Variants in PLXDC2 observed in about 807,000 individuals in gnomAD.
PLXDC2 encodes the protein plexin domain containing 2, also known as plexin domain-containing protein 2.
Under a neutral mutation model 68.9 loss-of-function variants are expected in PLXDC2, and 40 were observed. That is an observed-to-expected ratio of 0.58 (90% CI 0.45 to 0.76). PLXDC2 has a LOEUF of 0.76. Ranked by LOEUF, PLXDC2 falls within the 30% of genes least tolerant of loss-of-function variation. PLXDC2 has a pLI of 0.00. For synonymous variants in PLXDC2, 243 were observed against 234.2 expected (o/e 1.04, Z -0.34); for missense variants, 644 against 661.9 (o/e 0.97, Z 0.30).
chr10:20,186,750 CT>C (rs201327011), intron 9 of PLXDC2, among the ~76,000 whole-genome samples: 4,396 of 151,918 alleles, frequency 0.029, 78 homozygotes, highest in Middle Eastern at 0.071. Context: ...TGATCTTCTT[CT>C]TTTTTTATGG....
chr10:20,074,696 T>G (rs757990986), intron 4 of PLXDC2, among the ~76,000 whole-genome samples: 143 of 152,320 alleles, frequency 9.4e-4, no homozygotes, highest in Non-Finnish European at 1.6e-3. Context: ...GGGACTTGAT[T>G]AATAACAGGA....
In PLXDC2 at chr10:20,289,142, G is replaced by C. The variant is rs560068958; in HGVS notation, c.*9323G>C. 4 of 152,304 alleles carry C rather than the reference G, an allele frequency of 2.6e-5. No individual in the cohort carries two copies. The South Asian group carries it at 8.3e-4, about 32-fold the overall frequency. 9.4% of individuals were successfully genotyped at this position (152,304 alleles called of 1,614,324 possible). A position where few individuals can be genotyped will look rare whatever the true frequency, so the allele number is the denominator to read the frequency against. On this transcript the variant is annotated 3_prime_UTR_variant, in exon 14 of 14. Coordinates refer to ENST00000377252, the MANE Select transcript of PLXDC2 (RefSeq NM_032812.9). ...ACCCATTGTGGAAGAAATTCTGTGT[G>C]CAGAATTCAGAGGCACAAGGCTGAT...
At chr10:20,185,257 C>A (rs778453705) in intron 9 of PLXDC2, among the ~76,000 whole-genome samples, 4 of 151,234 alleles carry the variant, frequency 2.6e-5, no homozygotes, top group African/African-American at 9.7e-5. Flanking sequence ...CAACCCAAGG[C>A]CTCACAGTCC....
In PLXDC2 at chr10:20,126,149, CAT is replaced by C. The variant is rs541856641; in HGVS notation, c.542-17141_542-17140del. 2.3e-3 allele frequency among the ~76,000 whole-genome samples: 340 copies of C among 146,090 alleles called. 1 individual carries two copies. The highest frequency in any genetic ancestry group is 7.9e-3 in the African/African-American group (319 of 40,132). On this transcript the variant is annotated intron_variant, in intron 4 of 13. Transcript: ENST00000377252. ...ATATGTTATATATGTGTATATATAACATATATTATGTATGTATCTATACATAT... is the reference window on the plus strand; with the variant it reads ...ATATGTTATATATGTGTATATATAACATATTATGTATGTATCTATACATAT...
At chr10:20,277,430 T>C (rs1282923059) in intron 13 of PLXDC2, among the ~76,000 whole-genome samples, 1 of 152,060 alleles carries the variant, frequency 6.6e-6, no homozygotes, top group Non-Finnish European at 1.5e-5. Flanking sequence ...TATGATCTTC[T>C]CTCCACTTTA....
chr10:20,247,852 A>C (rs1365960170), intron 13 of PLXDC2, among the ~76,000 whole-genome samples: 2 of 152,202 alleles, frequency 1.3e-5, no homozygotes, highest in African/African-American at 4.8e-5. Context: ...TTTCATATAA[A>C]ATGTATTTCA....
chr10:19,855,947 T>C (rs552988323), intron 1 of PLXDC2, among the ~76,000 whole-genome samples: 30 of 152,090 alleles, frequency 2.0e-4, no homozygotes, highest in African/African-American at 7.2e-4. Context: ...TATAAAAAAT[T>C]AGCCAGGCCT....
chr10:20,130,252 T>G (rs899787743), intron 4 of PLXDC2, among the ~76,000 whole-genome samples: 18 of 152,268 alleles, frequency 1.2e-4, no homozygotes, highest in Non-Finnish European at 2.1e-4. Flanking sequence ...TTTCTAAATA[T>G]TTTAAATTTT....
At chr10:19,963,432 C>G (rs1389284025) in intron 1 of PLXDC2, among the ~76,000 whole-genome samples, 1 of 152,136 alleles carries the variant, frequency 6.6e-6, no homozygotes, top group Non-Finnish European at 1.5e-5. Flanking sequence ...GGTTCCAAGT[C>G]TTTGCTATTG....
At chr10:19,982,444 TG>T (rs1206047640) in intron 1 of PLXDC2, among the ~76,000 whole-genome samples, 9 of 152,218 alleles carry the variant, frequency 5.9e-5, no homozygotes, top group Non-Finnish European at 1.3e-4. Flanking sequence ...ATTTCAGTTG[TG>T]GTACAGGCTG....
At chr10:19,874,973 ATTG>A (rs1442374978) in intron 1 of PLXDC2, among the ~76,000 whole-genome samples, 1 of 152,178 alleles carries the variant, frequency 6.6e-6, no homozygotes, top group African/African-American at 2.4e-5. Context: ...AACTGTCAGA[ATTG>A]TTGTAGAGGA....
chr10:20,033,710 C>G (rs550725424), intron 2 of PLXDC2, among the ~76,000 whole-genome samples: 1 of 152,138 alleles, frequency 6.6e-6, no homozygotes, highest in Non-Finnish European at 1.5e-5. Flanking sequence ...AAGATTCACC[C>G]CCATGATTCA....
intron 13 of PLXDC2, among the ~76,000 whole-genome samples, chr10:20,266,442 G>A (rs1406317255): frequency 6.6e-6 from 1 of 150,704 alleles, no homozygotes; most frequent in Non-Finnish European, 1.5e-5. Context: ...TACCCAAAAA[G>A]GGAAAACAAA....
intron 3 of PLXDC2, among the ~76,000 whole-genome samples, chr10:20,053,549 T>C (rs1207997116): frequency 2.6e-5 from 4 of 152,170 alleles, no homozygotes; most frequent in Non-Finnish European, 5.9e-5. Flanking sequence ...TTCTTTTCCC[T>C]CTTGGTAGAC....
chr10:20,031,124 T>C (rs1301666644), intron 2 of PLXDC2, among the ~76,000 whole-genome samples: 1 of 152,040 alleles, frequency 6.6e-6, no homozygotes, highest in East Asian at 1.9e-4. Flanking sequence ...TCCCAGCACT[T>C]TGAGAGGCTG....
At chr10:20,147,700 A>C (rs1834097891) in intron 5 of PLXDC2, 84 bp from the exon 6 acceptor site, 1 of 825,980 alleles carries the variant, frequency 1.2e-6, no homozygotes, top group Middle Eastern at 2.5e-4. Context: ...GGCCAGATGC[A>C]AAAACATTTT....
chr10:19,867,468 A>G (rs966141941), intron 1 of PLXDC2, among the ~76,000 whole-genome samples: 1 of 152,170 alleles, frequency 6.6e-6, no homozygotes, highest in Non-Finnish European at 1.5e-5. Context: ...GTCAAGGGGT[A>G]TGTTCAGTTT....
intron 9 of PLXDC2, among the ~76,000 whole-genome samples, chr10:20,183,323 G>A (rs1002255159): frequency 6.6e-6 from 1 of 151,924 alleles, no homozygotes; most frequent in Non-Finnish European, 1.5e-5. Flanking sequence ...AGCAGCTTAA[G>A]AGGTTTCAGA....
chr10:20,063,378 C>T (rs1028281424), intron 3 of PLXDC2, among the ~76,000 whole-genome samples: 1 of 151,906 alleles, frequency 6.6e-6, no homozygotes, highest in African/African-American at 2.4e-5. Context: ...TGTCCTAAAA[C>T]AAAAAGAAGT....
Sources: gnomAD v4.1 joint callset for allele counts (sites outside exome capture counted in the v4.1 genomes callset) on GRCh38, gnomAD v4.1.1 for gene constraint, MANE v1.5 for transcripts, NCBI Gene and HGNC (gene_info 2026-07-23, HGNC 2026-07-21) for gene names.